SERPINA12: variants seen among roughly 807,000 people sequenced by gnomAD.
The protein encoded by SERPINA12 is serpin family A member 12, also known as serpin A12.
A neutral mutation model predicts 25.9 loss-of-function variants in SERPINA12; 21 were observed. The ratio of observed to expected loss-of-function variants is 0.81; its 90% CI spans 0.58 to 1.17. The LOEUF is 1.17. Among genes scored for constraint, SERPINA12 ranks in the 50% most tolerant of loss-of-function variants. The pLI is 0.00. For synonymous variants in SERPINA12, 220 were observed against 196.0 expected (o/e 1.12, Z -1.02); for missense variants, 562 against 508.3 (o/e 1.11, Z -1.02).
At chr14:94,487,715 T>A (rs1446813775) in intron 4 of SERPINA12, among the ~76,000 whole-genome samples, 1 of 151,928 alleles carries the variant, frequency 6.6e-6, no homozygotes, top group Non-Finnish European at 1.5e-5. Context: ...AGGGGGAGCA[T>A]CAGTTACGGG....
At chr14:94,509,613 C>T (rs1249198405), upstream of SERPINA12, among the ~76,000 whole-genome samples, 3 of 152,206 alleles carry the variant, frequency 2.0e-5, no homozygotes, top group African/African-American at 7.2e-5. Context: ...ACTCAGAGAG[C>T]AATGCGTCTG....
rs56159143 is a variant in SERPINA12 at position 94,499,730 on chromosome 14, C to A, written c.-33-1300G>T. Among the ~76,000 whole-genome samples the A allele has an allele frequency of 2.6e-5, 4 of 152,188 alleles. No homozygotes were observed. The East Asian group carries it at 7.7e-4, about 29-fold the overall frequency. ...TGTTATGTATTGAGGCAGTTGTCTT[C>A]CCTGTAGGGAAGTGAGGGAAGTGGG... On this transcript the variant is annotated intron_variant, in intron 1 of 4. Transcript: ENST00000677451.
intron 3 of SERPINA12, among the ~76,000 whole-genome samples, chr14:94,495,131 G>T (rs1056742110): frequency 5.5e-5 from 8 of 145,104 alleles, no homozygotes; most frequent in Admixed American, 2.8e-4. Context: ...TGCAGTGGCG[G>T]GATCTCGGCT....
chr14:94,492,761 G>T (rs539412670), intron 3 of SERPINA12, among the ~76,000 whole-genome samples: 3 of 152,280 alleles, frequency 2.0e-5, no homozygotes, highest in East Asian at 1.9e-4. Context: ...GAAATGTGTG[G>T]GGGGCACCCA....
At chr14:94,502,847 A>G (rs561773697) in intron 1 of SERPINA12, among the ~76,000 whole-genome samples, 1 of 152,330 alleles carries the variant, frequency 6.6e-6, no homozygotes, top group African/African-American at 2.4e-5. Context: ...ACTTGGCTGC[A>G]TGCACCAGAC....
chr14:94,490,203 CTG>C (rs1242098688), intron 3 of SERPINA12, among the ~76,000 whole-genome samples: 2 of 152,174 alleles, frequency 1.3e-5, no homozygotes, highest in Admixed American at 1.3e-4. Context: ...CTCATGAGCT[CTG>C]TGACCTTCCC....
chr14:94,502,762 C>T (rs1900782433), intron 1 of SERPINA12, among the ~76,000 whole-genome samples: 1 of 152,224 alleles, frequency 6.6e-6, no homozygotes, highest in African/African-American at 2.4e-5. Context: ...GGACAAGTTC[C>T]CATGTCTTGA....
At chr14:94,506,184 G>A (rs373588139) in intron 1 of SERPINA12, among the ~76,000 whole-genome samples, 1 of 152,160 alleles carries the variant, frequency 6.6e-6, no homozygotes, top group Non-Finnish European at 1.5e-5. Context: ...GGCACTGGTC[G>A]GAGGCTGAGG....
chr14:94,487,569 A>G, intron 4 of SERPINA12, 75 bp from the exon 5 acceptor site: 2 of 1,348,606 alleles, frequency 1.5e-6, no homozygotes, highest in Non-Finnish European at 2.0e-6. Flanking sequence ...CCCAGAGAGG[A>G]TCAGAGAGGA....
chr14:94,487,575 G>C (rs972745343), intron 4 of SERPINA12, 81 bp from the exon 5 acceptor site: 7 of 1,281,556 alleles, frequency 5.5e-6, no homozygotes, highest in Non-Finnish European at 6.5e-6. Flanking sequence ...GAGGATCAGA[G>C]AGGAAGACCA....
intron 1 of SERPINA12, among the ~76,000 whole-genome samples, chr14:94,499,306 T>C (rs1388997012): frequency 6.6e-6 from 1 of 152,186 alleles, no homozygotes; most frequent in Non-Finnish European, 1.5e-5. Context: ...TCTGCCTGGC[T>C]CTGGACTGCT....
intron 3 of SERPINA12, among the ~76,000 whole-genome samples, chr14:94,494,483 C>T (rs1358410205): frequency 1.3e-5 from 2 of 152,272 alleles, no homozygotes; most frequent in East Asian, 3.9e-4. Context: ...AATAAAGTCA[C>T]ATTTATGGAA....
chr14:94,510,144 T>G, upstream of SERPINA12: 1 of 985,442 alleles, frequency 1.0e-6, no homozygotes, highest in Non-Finnish European at 1.2e-6. Flanking sequence ...TTCCTCTGGT[T>G]CTCAGTGTAC....
chr14:94,501,132 CAAAAG>C (rs1266691792), intron 1 of SERPINA12: 1 of 985,224 alleles, frequency 1.0e-6, no homozygotes, highest in Non-Finnish European at 1.2e-6. Context: ...TTCAGATAAA[CAAAAG>C]AAAATAGGAA....
chr14:94,490,209 C>T (rs1016769928), intron 3 of SERPINA12, among the ~76,000 whole-genome samples: 7 of 152,194 alleles, frequency 4.6e-5, no homozygotes, highest in Non-Finnish European at 8.8e-5. Flanking sequence ...AGCTCTGTGA[C>T]CTTCCCTCTC....
intron 1 of SERPINA12, among the ~76,000 whole-genome samples, chr14:94,505,961 G>T (rs540534952): frequency 6.6e-6 from 1 of 152,182 alleles, no homozygotes; most frequent in Non-Finnish European, 1.5e-5. Flanking sequence ...GGAGGTGCAC[G>T]TCTGTGGAGA....
chr14:94,503,569 T>A (rs573984343), intron 1 of SERPINA12, among the ~76,000 whole-genome samples: 2 of 152,172 alleles, frequency 1.3e-5, no homozygotes, highest in South Asian at 2.1e-4. Context: ...GAGGGGTATG[T>A]GGGTTGGAAA....
At chr14:94,492,288 T>C (rs1167236963) in intron 3 of SERPINA12, among the ~76,000 whole-genome samples, 2 of 152,190 alleles carry the variant, frequency 1.3e-5, no homozygotes, top group Admixed American at 1.3e-4. Context: ...CAGAGGCAAC[T>C]GCTTCATGGT....
intron 2 of SERPINA12, among the ~76,000 whole-genome samples, chr14:94,515,088 C>G (rs1595703111): frequency 6.6e-6 from 1 of 152,298 alleles, no homozygotes; most frequent in East Asian, 1.9e-4. Flanking sequence ...TGTGCTAGGC[C>G]TGGAGTGATG....
Sources: gnomAD v4.1 joint callset for allele counts (sites outside exome capture counted in the v4.1 genomes callset) on GRCh38, gnomAD v4.1.1 for gene constraint, MANE v1.5 for transcripts, NCBI Gene and HGNC (gene_info 2026-07-23, HGNC 2026-07-21) for gene names.